Variants in TELO2 observed in about 807,000 individuals in gnomAD.
TELO2 encodes the protein telomere maintenance 2.
A neutral mutation model predicts 91.0 loss-of-function variants in TELO2; 71 were observed. The observed-to-expected ratio is 0.78, with a 90% CI of 0.64 to 0.95. TELO2 has a LOEUF of 0.95. TELO2 is among the 40% of genes least tolerant of loss of function. TELO2 has a pLI of 0.00. For synonymous variants in TELO2, 584 were observed against 518.9 expected (o/e 1.13, Z -1.71); for missense variants, 1,183 against 1,141.3 (o/e 1.04, Z -0.53).
rs1320723779 is a variant in TELO2, at chr16:1,494,451, C to T, written c.170C>T (p.Ala57Val). ...AGGGAGAAGGAGGAGTTTGCCTCGG[C>T]CCACTTCTCGCCTGTCCTCAGATGT... ...LPREKEEFAS[A>V]HFSPVLRCLA... Residue 57 changes from alanine to valine, a missense_variant, in exon 2 of 21, where the codon GCC (alanine) becomes GTC (valine). Coordinates refer to ENST00000262319, the MANE Select transcript of TELO2 (RefSeq NM_016111.4). The surrounding 1 kb of genome is among the most constrained non-coding windows in gnomAD (Gnocchi z 5.6). 3.1e-6 allele frequency: 5 copies of T among 1,613,442 alleles called. No individual in the cohort carries two copies. The Admixed American group carries it at 5.0e-5, about 16-fold the overall frequency.
intron 5 of TELO2, among the ~76,000 whole-genome samples, chr16:1,498,367 TA>T (rs1467036125): frequency 1.3e-5 from 2 of 152,200 alleles, no homozygotes; most frequent in African/African-American, 4.8e-5. Context: ...AAGGCATTTG[TA>T]TTCTTTTCTC....
At chr16:1,495,746 G>T in intron 3 of TELO2, 123 bp downstream of exon 3, 1 of 1,359,530 alleles carries the variant, frequency 7.4e-7, no homozygotes, top group South Asian at 1.4e-5. Flanking sequence ...CGTCAGGCAG[G>T]TGGGGATGTC....
In TELO2 at chr16:1,510,437, T is replaced by G; in HGVS notation, c.*501T>G. ...GGACAGGGCACGGGCTCTCAGAAAATAAACTGCTTTATTGGAATTACAGGA... is the reference window on the plus strand; with the variant it reads ...GGACAGGGCACGGGCTCTCAGAAAAGAAACTGCTTTATTGGAATTACAGGA... On this transcript the variant is annotated 3_prime_UTR_variant, in exon 21 of 21. Coordinates refer to ENST00000262319, the MANE Select transcript of TELO2 (RefSeq NM_016111.4). The G allele has an allele frequency of 4.6e-6, 1 of 217,690 alleles. No homozygotes were observed. 13.5% of individuals were successfully genotyped at this position (217,690 alleles called of 1,614,324 possible). A position where few individuals can be genotyped will look rare whatever the true frequency, so the allele number is the denominator to read the frequency against.
At chr16:1,498,910 T>A (rs1299631976) in intron 5 of TELO2, among the ~76,000 whole-genome samples, 4 of 152,102 alleles carry the variant, frequency 2.6e-5, no homozygotes, top group African/African-American at 9.7e-5. Flanking sequence ...GTAAATAAAA[T>A]TTTTTTGGCA....
At chr16:1,508,223 C>T (rs1264950100) in intron 20 of TELO2, among the ~76,000 whole-genome samples, 4 of 152,212 alleles carry the variant, frequency 2.6e-5, no homozygotes, top group Non-Finnish European at 5.9e-5. Context: ...ACCTCCGCCT[C>T]CTGGGTTCAA....
intron 17 of TELO2, 167 bp downstream of exon 17, chr16:1,506,496 A>T (rs926891293): frequency 6.8e-7 from 1 of 1,470,088 alleles, no homozygotes; most frequent in Non-Finnish European, 9.0e-7. Flanking sequence ...AGCGTCCCGC[A>T]AGATTCCTCT....
In TELO2 at chr16:1,505,422, G is replaced by A; in HGVS notation, c.1855G>A (p.Ala619Thr). The A allele has an allele frequency of 6.2e-7, 1 of 1,609,674 alleles. No individual in the cohort carries two copies. Among genetic ancestry groups the A allele is most frequent in the Non-Finnish European group, 8.5e-7 (1 of 1,177,332 alleles). The change falls in exon 16 of 21, where the codon GCT becomes ACT. Residue 619 changes from alanine to threonine, a missense_variant. Coordinates refer to ENST00000262319, the MANE Select transcript of TELO2 (RefSeq NM_016111.4). This position sits in a 1 kb window ranked among gnomAD's most constrained non-coding sequence, Gnocchi z 4.3. ...TGTCTCCCTCCAGGTGCTGACTCTG[G>A]CTGCCCAGGAGCTGTCTAGGCCTGG... ...RMDILDVLTL[A>T]AQELSRPGCL... is the part of the protein sequence containing the mutation.
Position 1,497,138 on chromosome 16 carries a change from C to T in TELO2, c.682+34C>T, listed in dbSNP as rs1224928026. On this transcript the variant is annotated intron_variant, in intron 4 of 20. Transcript: ENST00000262319. The surrounding 1 kb of genome is among the most constrained non-coding windows in gnomAD (Gnocchi z 4.0). The stretch of plus-strand genomic sequence containing the variant: ...AGCAGTGCCTTCCTGCCCATCCTGC[C>T]CCGACCCTCACAGCCCATCAGCCTT... 1 of 1,612,532 alleles carries T rather than the reference C, an allele frequency of 6.2e-7. No homozygotes were observed.
chr16:1,505,501 T>A lies in TELO2; in HGVS notation c.1934T>A (p.Leu645Gln), dbSNP rs747647917. The A allele has an allele frequency of 3.2e-5, 51 of 1,613,032 alleles. No homozygotes were observed. The highest frequency in any genetic ancestry group is 4.1e-5 in the Non-Finnish European group (48 of 1,180,008). ...TCCCCAAGTCCCAACACCCCGTGCC[T>A]GCCAGAGGCAGCCGTCTCTCAGCCT... Reference protein sequence around the residue: ...PGSPSPNTPCLPEAAVSQPGS... With the variant: ...PGSPSPNTPCQPEAAVSQPGS... The change falls in exon 16 of 21, where the codon CTG becomes CAG. Residue 645 changes from leucine to glutamine, a missense_variant. Transcript: ENST00000262319. This position sits in a 1 kb window ranked among gnomAD's most constrained non-coding sequence, Gnocchi z 4.3.
Position 1,497,301 on chromosome 16 carries a change from A to T in TELO2, c.683-60A>T. 6.7e-7 allele frequency: 1 copy of T among 1,500,560 alleles called. No individual in the cohort carries two copies. The highest frequency in any genetic ancestry group is 8.9e-7 in the Non-Finnish European group (1 of 1,118,238). 93.0% of individuals were successfully genotyped at this position (1,500,560 alleles called of 1,614,324 possible). A position where few individuals can be genotyped will look rare whatever the true frequency, so the allele number is the denominator to read the frequency against. On this transcript the variant is annotated intron_variant, in intron 4 of 20. Transcript: ENST00000262319. This position sits in a 1 kb window ranked among gnomAD's most constrained non-coding sequence, Gnocchi z 4.0. ...GGGACTGTCCTTGCTGGACCCACAC[A>T]GCCCCAGACACCAGGTGGGTGCAGC...
chr16:1,501,180 G>A (rs2039663853), intron 9 of TELO2, among the ~76,000 whole-genome samples: 1 of 152,232 alleles, frequency 6.6e-6, no homozygotes, highest in Non-Finnish European at 1.5e-5. Context: ...CTTGGGGGAG[G>A]CCCAGCTCCT....
intron 3 of TELO2, among the ~76,000 whole-genome samples, chr16:1,496,203 C>T (rs1034540292): frequency 6.6e-6 from 1 of 152,232 alleles, no homozygotes; most frequent in African/African-American, 2.4e-5. Context: ...CCGGACTCCA[C>T]CCTCCACATG....
At chr16:1,507,131 G>A in intron 18 of TELO2, 80 bp downstream of exon 18, 1 of 1,515,540 alleles carries the variant, frequency 6.6e-7, no homozygotes, top group Non-Finnish European at 8.8e-7. Context: ...CTGCGCCCAG[G>A]GATGGGTGTC....
chr16:1,505,623 C>A lies in TELO2; in HGVS notation c.2034+22C>A, dbSNP rs1263395484. On this transcript the variant is annotated intron_variant, in intron 16 of 20. Coordinates refer to ENST00000262319, the MANE Select transcript of TELO2 (RefSeq NM_016111.4). This position sits in a 1 kb window ranked among gnomAD's most constrained non-coding sequence, Gnocchi z 4.3. Reference sequence around the variant, plus strand: ...CAAGGTTAGTGGCGCCTGGTCAGCTCCTCACGGGCATGGGGACCGTGGGTG... The same window carrying A: ...CAAGGTTAGTGGCGCCTGGTCAGCTACTCACGGGCATGGGGACCGTGGGTG... 2 of 1,601,538 alleles carry A rather than the reference C, an allele frequency of 1.2e-6. No individual in the cohort carries two copies. Among genetic ancestry groups the A allele is most frequent in the Non-Finnish European group, 1.7e-6 (2 of 1,173,894 alleles).
chr16:1,499,482 C>G (rs2039600908), intron 6 of TELO2, 149 bp downstream of exon 6: 1 of 767,052 alleles, frequency 1.3e-6, no homozygotes, highest in African/African-American at 1.7e-5. Flanking sequence ...GCGGTGGGTG[C>G]CTCCCTGCCC....
chr16:1,508,284 C>T (rs994160656), intron 20 of TELO2, among the ~76,000 whole-genome samples: 8 of 152,292 alleles, frequency 5.3e-5, no homozygotes, highest in Admixed American at 6.5e-5. Context: ...AGGTGCCCAC[C>T]ACTGCGCCCA....
intron 6 of TELO2, 105 bp from the exon 7 acceptor site, chr16:1,499,991 G>T (rs1346964724): frequency 9.8e-6 from 13 of 1,320,616 alleles, no homozygotes; most frequent in Non-Finnish European, 1.3e-5. Flanking sequence ...TCCGTCTGCT[G>T]CCCTCAGTCT....
chr16:1,495,291 A>T, intron 2 of TELO2, 55 bp from the exon 3 acceptor site: 4 of 1,490,020 alleles, frequency 2.7e-6, no homozygotes, highest in Non-Finnish European at 3.6e-6. Flanking sequence ...TGTGGCAGGA[A>T]GGGGGCCCCG....
chr16:1,500,285 T>C, intron 7 of TELO2, 62 bp from the exon 8 acceptor site: 1 of 1,535,568 alleles, frequency 6.5e-7, no homozygotes, highest in East Asian at 2.4e-5. Context: ...AGAGTGGCTG[T>C]GGGCCTGGCG....
Sources: allele counts gnomAD v4.1 joint callset (sites outside exome capture counted in the v4.1 genomes callset), GRCh38; gene constraint gnomAD v4.1.1; non-coding constraint Gnocchi (gnomAD v3.1); transcripts MANE v1.5; gene names NCBI Gene and HGNC (gene_info 2026-07-23, HGNC 2026-07-21).